Variants in SCAI observed in about 807,000 individuals in gnomAD.
The protein encoded by SCAI is protein SCAI.
SCAI carries 24 observed loss-of-function variants against 92.2 expected under a neutral mutation model. That is an observed-to-expected ratio of 0.26 (90% CI 0.19 to 0.37). The LOEUF (loss-of-function observed/expected upper bound fraction) is 0.37, where lower values mean the gene tolerates loss of function less well. Ranked by LOEUF, SCAI falls within the 10% of genes least tolerant of loss-of-function variation. The pLI is 1.00. For missense variants in SCAI, 450 were observed against 736.2 expected, an observed-to-expected ratio of 0.61 and a Z score of 4.50; for synonymous variants, 261 against 258.6, an observed-to-expected ratio of 1.01 and a Z score of -0.09.
intron 2 of SCAI, among the ~76,000 whole-genome samples, chr9:125,067,327 T>C (rs989526261): frequency 2.4e-4 from 36 of 152,180 alleles, no homozygotes; most frequent in African/African-American, 8.7e-4. Context: ...TAAGTTAAGA[T>C]GACGTCATGC....
chr9:125,039,385 CAAAA>C (rs58716034), intron 3 of SCAI, among the ~76,000 whole-genome samples: 1 of 48,358 alleles, frequency 2.1e-5, no homozygotes. Flanking sequence ...GACTCCATCT[CAAAA>C]AAAAAAAAAA....
intron 14 of SCAI, among the ~76,000 whole-genome samples, chr9:124,978,269 C>T (rs573511249): frequency 5.3e-5 from 8 of 152,108 alleles, no homozygotes; most frequent in Admixed American, 2.6e-4. Context: ...AATGAAACCC[C>T]GTTTCCACTA....
chr9:124,982,737 T>C (rs1046877381), intron 14 of SCAI, among the ~76,000 whole-genome samples: 37 of 151,796 alleles, frequency 2.4e-4, no homozygotes, highest in Non-Finnish European at 4.9e-4. Context: ...GAAGCCTTTC[T>C]TGGGGGGAAA....
rs1831127285 is a variant in SCAI, at chr9:124,945,217, G to A, written c.*7590C>T. The A allele has an allele frequency of 1.3e-5, 2 of 152,228 alleles. No individual in the cohort carries two copies. The highest frequency in any genetic ancestry group is 2.1e-4 in the South Asian group (1 of 4,824). The allele number at this position is 152,228 out of a possible 1,614,324, so 9.4% of individuals were successfully genotyped here. The stretch of plus-strand genomic sequence containing the variant: ...AAAACTGAGTCTATTGTCCAAGTAT[G>A]TTTAAACATGGCACTGGTTAAAGTA... On this transcript the variant is annotated 3_prime_UTR_variant, in exon 18 of 18. Coordinates refer to ENST00000336505, the MANE Select transcript of SCAI (RefSeq NM_001144877.3).
chr9:124,988,833 C>G (rs1416981075), intron 14 of SCAI, among the ~76,000 whole-genome samples: 1 of 152,150 alleles, frequency 6.6e-6, no homozygotes, highest in African/African-American at 2.4e-5. Context: ...ATGTTAAGCA[C>G]CATAGTTAAA....
intron 2 of SCAI, among the ~76,000 whole-genome samples, chr9:125,065,547 T>C (rs1029166355): frequency 6.6e-6 from 1 of 152,122 alleles, no homozygotes; most frequent in Non-Finnish European, 1.5e-5. Flanking sequence ...CATAAACTCT[T>C]ACAGAATAGA....
At chr9:124,968,272 A>G in intron 17 of SCAI, 1 of 1,130,724 alleles carries the variant, frequency 8.8e-7, no homozygotes, top group Admixed American at 1.7e-5. Flanking sequence ...AGCTTTTAAT[A>G]TCCTTAAAAC....
chr9:124,988,642 G>A (rs2131611569), intron 14 of SCAI, among the ~76,000 whole-genome samples: 1 of 151,874 alleles, frequency 6.6e-6, no homozygotes, highest in South Asian at 2.1e-4. Context: ...ATTTCCTAAA[G>A]AAAAAATGTA....
intron 3 of SCAI, among the ~76,000 whole-genome samples, chr9:125,033,971 C>G (rs1190174926): frequency 1.3e-5 from 2 of 152,126 alleles, no homozygotes; most frequent in Non-Finnish European, 2.9e-5. Context: ...CAATCAAAAT[C>G]CTGGCGGGAA....
At chr9:125,075,713 G>A (rs938450482) in intron 2 of SCAI, among the ~76,000 whole-genome samples, 1 of 152,050 alleles carries the variant, frequency 6.6e-6, no homozygotes, top group Non-Finnish European at 1.5e-5. Flanking sequence ...TTACAGGCAT[G>A]TGCCACCATG....
chr9:124,997,198 C>G (rs2131624634), intron 13 of SCAI, among the ~76,000 whole-genome samples: 1 of 152,260 alleles, frequency 6.6e-6, no homozygotes, highest in African/African-American at 2.4e-5. Context: ...CACGATGCCA[C>G]AAGTAGAAAA....
At chr9:125,012,721 T>C (rs1832665959) in intron 9 of SCAI, among the ~76,000 whole-genome samples, 1 of 152,250 alleles carries the variant, frequency 6.6e-6, no homozygotes, top group East Asian at 1.9e-4. Context: ...ATCAACTGAA[T>C]ATACATTTTT....
intron 2 of SCAI, among the ~76,000 whole-genome samples, chr9:125,077,189 T>G (rs372105022): frequency 3.3e-5 from 5 of 152,210 alleles, no homozygotes; most frequent in Admixed American, 2.6e-4. Flanking sequence ...ACATTTCATG[T>G]TTTGTCTACA....
intron 3 of SCAI, among the ~76,000 whole-genome samples, chr9:125,032,574 A>G (rs2131093515): frequency 1.3e-5 from 2 of 150,436 alleles, no homozygotes; most frequent in East Asian, 3.9e-4. Context: ...TATATTGTGA[A>G]GACACTCAAT....
chr9:124,968,717 C>CT, intron 17 of SCAI: 1 of 1,403,440 alleles, frequency 7.1e-7, no homozygotes, highest in Non-Finnish European at 1.0e-6. Flanking sequence ...AGACACTCTG[C>CT]TTTTTGACAT....
intron 14 of SCAI, among the ~76,000 whole-genome samples, chr9:124,984,308 T>C (rs1459978060): frequency 6.6e-6 from 1 of 151,340 alleles, no homozygotes; most frequent in Non-Finnish European, 1.5e-5. Flanking sequence ...GAGGGAGGGG[T>C]ATATGTAAGC....
intron 2 of SCAI, among the ~76,000 whole-genome samples, chr9:125,123,482 G>A (rs1835200757): frequency 6.6e-6 from 1 of 151,670 alleles, no homozygotes; most frequent in Non-Finnish European, 1.5e-5. Flanking sequence ...GAGTTTAAAA[G>A]TCCTAACTGG....
chr9:125,066,426 T>C (rs1272367871), intron 2 of SCAI, among the ~76,000 whole-genome samples: 2 of 151,602 alleles, frequency 1.3e-5, no homozygotes, highest in African/African-American at 4.8e-5. Flanking sequence ...CTGATAGGTA[T>C]ACCATTTTTT....
intron 13 of SCAI, among the ~76,000 whole-genome samples, chr9:124,998,417 C>A (rs1427257008): frequency 1.3e-5 from 2 of 151,880 alleles, no homozygotes; most frequent in Admixed American, 6.6e-5. Context: ...CGTGCCACTG[C>A]ACTCTAGCCT....
Sources: gnomAD v4.1 joint callset for allele counts (sites outside exome capture counted in the v4.1 genomes callset) on GRCh38, gnomAD v4.1.1 for gene constraint, MANE v1.5 for transcripts, NCBI Gene and HGNC (gene_info 2026-07-23, HGNC 2026-07-21) for gene names.